PACRG: variants seen among roughly 807,000 people sequenced by gnomAD.
The protein encoded by PACRG is parkin coregulated.
PACRG carries 29 observed loss-of-function variants against 29.7 expected under a neutral mutation model. The ratio of observed to expected loss-of-function variants is 0.98; its 90% CI spans 0.73 to 1.33. The LOEUF (loss-of-function observed/expected upper bound fraction) is 1.33, where lower values mean the gene tolerates loss of function less well. Among genes scored for constraint, PACRG ranks in the 40% most tolerant of loss-of-function variants. The pLI is 0.00. For synonymous variants in PACRG, 116 were observed against 118.7 expected (o/e 0.98, Z 0.15); for missense variants, 279 against 316.2 (o/e 0.88, Z 0.89).
intron 2 of PACRG, among the ~76,000 whole-genome samples, chr6:162,877,957 A>G (rs908038076): frequency 1.3e-5 from 2 of 152,250 alleles, no homozygotes; most frequent in African/African-American, 2.4e-5. Flanking sequence ...GTTGAGTGCT[A>G]TGAATTATTT....
intron 4 of PACRG, among the ~76,000 whole-genome samples, chr6:163,123,321 A>G (rs937782331): frequency 1.3e-5 from 2 of 152,192 alleles, no homozygotes; most frequent in Non-Finnish European, 2.9e-5. Flanking sequence ...TGACAAGGAG[A>G]AGAGGGCGGG....
intron 4 of PACRG, among the ~76,000 whole-genome samples, chr6:163,183,834 G>C (rs992844806): frequency 6.6e-6 from 1 of 152,160 alleles, no homozygotes. Context: ...GAAACTGTAG[G>C]TTTTTTACTG....
chr6:162,913,818 A>T (rs932230367), intron 2 of PACRG, among the ~76,000 whole-genome samples: 1 of 152,164 alleles, frequency 6.6e-6, no homozygotes, highest in Non-Finnish European at 1.5e-5. Context: ...TATTTTGTGT[A>T]CTTTTTAATG....
intron 4 of PACRG, among the ~76,000 whole-genome samples, chr6:163,173,847 G>C (rs572919388): frequency 6.6e-6 from 1 of 152,120 alleles, no homozygotes; most frequent in Non-Finnish European, 1.5e-5. Flanking sequence ...TTGGTGCCTT[G>C]TCCTCTCCAT....
intron 4 of PACRG, among the ~76,000 whole-genome samples, chr6:163,131,041 C>T (rs548266764): frequency 3.3e-5 from 5 of 152,162 alleles, no homozygotes; most frequent in Non-Finnish European, 5.9e-5. Context: ...GGCGCAGTGG[C>T]TCAAGCCTGT....
chr6:163,284,601 C>G (rs546111491), intron 4 of PACRG, among the ~76,000 whole-genome samples: 23 of 152,222 alleles, frequency 1.5e-4, no homozygotes, highest in African/African-American at 5.5e-4. Flanking sequence ...TGTTTTAAAG[C>G]AAGAAATAAA....
At position 163,160,902 on chromosome 6, in the gene PACRG, T is replaced by G. The variant is rs189903075; in HGVS notation, c.613+71494T>G. 1.9e-3 allele frequency among the ~76,000 whole-genome samples: 294 copies of G among 152,330 alleles called. 4 individuals are homozygous for G. Among genetic ancestry groups the G allele is most frequent in the African/African-American group, 6.7e-3 (277 of 41,550 alleles). ...CTACCATATTAAGCATTTACTCTCT[T>G]GGGCATTCTGCTAGGCTTCTTGTAA... On this transcript the variant is annotated intron_variant, in intron 4 of 4. Coordinates refer to ENST00000366888, the MANE Select transcript of PACRG (RefSeq NM_001080379.2).
intron 4 of PACRG, among the ~76,000 whole-genome samples, chr6:163,273,409 G>A (rs978015530): frequency 2.6e-5 from 4 of 152,006 alleles, no homozygotes; most frequent in African/African-American, 4.8e-5. Flanking sequence ...TCTAGAAAAA[G>A]CACTTAATTT....
At chr6:162,902,299 G>A (rs139784977) in intron 2 of PACRG, among the ~76,000 whole-genome samples, 85 of 152,276 alleles carry the variant, frequency 5.6e-4, no homozygotes, top group Middle Eastern at 3.4e-3. Context: ...AATCCATTTG[G>A]ATGCTCTAAA....
At chr6:163,008,368 T>C (rs529289585) in intron 2 of PACRG, among the ~76,000 whole-genome samples, 2 of 152,152 alleles carry the variant, frequency 1.3e-5, no homozygotes, top group South Asian at 2.1e-4. Context: ...CACAGCTAAT[T>C]GACTCTGAAT....
intron 2 of PACRG, among the ~76,000 whole-genome samples, chr6:162,852,690 C>G (rs545748203): frequency 6.6e-6 from 1 of 152,216 alleles, no homozygotes; most frequent in East Asian, 1.9e-4. Context: ...GCATTAATTT[C>G]GAGCCTATGT....
At chr6:162,804,800 G>A (rs1213367515) in intron 1 of PACRG, among the ~76,000 whole-genome samples, 1 of 152,160 alleles carries the variant, frequency 6.6e-6, no homozygotes, top group Non-Finnish European at 1.5e-5. Flanking sequence ...TCTATAGGAT[G>A]CTTACCAATA....
At chr6:163,114,925 ATT>A (rs1815903163) in intron 4 of PACRG, among the ~76,000 whole-genome samples, 1 of 152,108 alleles carries the variant, frequency 6.6e-6, no homozygotes, top group African/African-American at 2.4e-5. Context: ...TATGATAATC[ATT>A]TCACAATGTA....
At chr6:162,773,494 A>ATTTTTTTTTTTTTTTTTT (rs71008110) in intron 1 of PACRG, among the ~76,000 whole-genome samples, 1 of 65,996 alleles carries the variant, frequency 1.5e-5, no homozygotes, top group Non-Finnish European at 2.6e-5. Context: ...ACAGCTTGTC[A>ATTTTTTTTTTTTTTTTTT]TTTTTTTTTT....
At chr6:163,031,444 A>T (rs1239634743) in intron 2 of PACRG, among the ~76,000 whole-genome samples, 2 of 152,208 alleles carry the variant, frequency 1.3e-5, no homozygotes, top group African/African-American at 4.8e-5. Context: ...AGGAATAAGC[A>T]CGGTTAGCCT....
chr6:162,759,865 T>C (rs976064518), intron 1 of PACRG, among the ~76,000 whole-genome samples: 4 of 152,180 alleles, frequency 2.6e-5, no homozygotes, highest in Non-Finnish European at 4.4e-5. Context: ...AAAATAAATA[T>C]TCAAATATTT....
chr6:162,773,494 A>ATTTTTTTTTTTTTTTTTTTTT (rs71008110), intron 1 of PACRG, among the ~76,000 whole-genome samples: 1 of 65,998 alleles, frequency 1.5e-5, no homozygotes. Context: ...ACAGCTTGTC[A>ATTTTTTTTTTTTTTTTTTTTT]TTTTTTTTTT....
chr6:162,789,533 A>G (rs1784773136), intron 1 of PACRG, among the ~76,000 whole-genome samples: 1 of 152,166 alleles, frequency 6.6e-6, no homozygotes, highest in Non-Finnish European at 1.5e-5. Context: ...TAGTTTCACT[A>G]AGGATCATTT....
chr6:162,947,246 AC>A (rs1799084643), intron 2 of PACRG, among the ~76,000 whole-genome samples: 3 of 146,192 alleles, frequency 2.1e-5, no homozygotes, highest in African/African-American at 7.5e-5. Flanking sequence ...AGATATATAA[AC>A]ATATATCATA....
Sources: allele counts gnomAD v4.1 joint callset (sites outside exome capture counted in the v4.1 genomes callset), GRCh38; gene constraint gnomAD v4.1.1; transcripts MANE v1.5; gene names NCBI Gene and HGNC (gene_info 2026-07-23, HGNC 2026-07-21).